The following JAM3 variants were observed in gnomAD, a reference collection of about 807,000 sequenced individuals.
JAM3 encodes junctional adhesion molecule C.
A neutral mutation model predicts 39.4 loss-of-function variants in JAM3; 31 were observed. The ratio of observed to expected loss-of-function variants is 0.79; its 90% CI spans 0.59 to 1.06. The LOEUF (loss-of-function observed/expected upper bound fraction) is 1.06, where lower values mean the gene tolerates loss of function less well. JAM3 is among the 50% of genes least tolerant of loss of function. The pLI, the probability that JAM3 is intolerant of heterozygous loss-of-function variation, is 0.00. For missense variants in JAM3, 455 were observed against 391.4 expected, an observed-to-expected ratio of 1.16 and a Z score of -1.37; for synonymous variants, 182 against 148.7, an observed-to-expected ratio of 1.22 and a Z score of -1.63.
intron 1 of JAM3, 38 bp downstream of exon 1, chr11:134,069,197 C>T (rs1382569166): frequency 1.9e-6 from 3 of 1,604,562 alleles, no homozygotes; most frequent in Non-Finnish European, 2.6e-6. Flanking sequence ...AGACTAGGGT[C>T]TGGGGGCGAC....
At chr11:134,095,427 C>T (rs547289358) in intron 1 of JAM3, among the ~76,000 whole-genome samples, 2 of 152,022 alleles carry the variant, frequency 1.3e-5, no homozygotes, top group Middle Eastern at 6.8e-3. Context: ...GTCAGGAGAT[C>T]GAGACCATCC....
intron 6 of JAM3, chr11:134,147,951 A>G (rs1364612959): frequency 1.9e-5 from 3 of 155,064 alleles, no homozygotes; most frequent in Non-Finnish European, 2.9e-5. Context: ...CCCATATGAA[A>G]GTGACCCAGT....
At chr11:134,120,348 A>C (rs1942508617) in intron 1 of JAM3, among the ~76,000 whole-genome samples, 1 of 152,260 alleles carries the variant, frequency 6.6e-6, no homozygotes, top group Admixed American at 6.5e-5. Context: ...ACAGAATGCC[A>C]GCAAGCTAAA....
At chr11:134,118,819 A>T (rs535543755) in intron 1 of JAM3, among the ~76,000 whole-genome samples, 2 of 152,314 alleles carry the variant, frequency 1.3e-5, no homozygotes, top group African/African-American at 4.8e-5. Flanking sequence ...TTATGCTTTA[A>T]AAGCCTTTCA....
intron 1 of JAM3, among the ~76,000 whole-genome samples, chr11:134,090,828 A>G (rs1280914524): frequency 6.6e-6 from 1 of 152,224 alleles, no homozygotes; most frequent in East Asian, 1.9e-4. Context: ...ACTCAGGTAT[A>G]ATTGACTTGT....
At chr11:134,082,403 T>C (rs1200635009) in intron 1 of JAM3, among the ~76,000 whole-genome samples, 6 of 152,146 alleles carry the variant, frequency 3.9e-5, no homozygotes, top group African/African-American at 7.2e-5. Context: ...TGGAATGATA[T>C]GGTTTGGCTC....
rs1943043139 is a variant in JAM3, at chr11:134,144,897, G to C, written c.515G>C (p.Ser172Thr). Residue 172 changes from serine to threonine, a missense_variant, in exon 5 of 9, where the codon AGC becomes ACC. By Grantham distance (58) the Ser-to-Thr change is moderately conservative (BLOSUM62 1). Transcript: ENST00000299106. ...ESEGHPRPHY[S>T]WYRNDVPLPT... ...GAGGGCCACCCCCGGCCTCACTACA[G>C]CTGGTATCGCAATGATGTACCACTG... 1.9e-5 allele frequency: 31 copies of C among 1,614,184 alleles called. No individual in the cohort carries two copies. Among genetic ancestry groups the C allele is most frequent in the Non-Finnish European group, 2.5e-5 (30 of 1,179,990 alleles).
chr11:134,107,443 G>A (rs1942214932), intron 1 of JAM3, among the ~76,000 whole-genome samples: 1 of 151,876 alleles, frequency 6.6e-6, no homozygotes, highest in African/African-American at 2.4e-5. Flanking sequence ...TAACAAACCT[G>A]CACGTTGTAC....
chr11:134,100,645 C>A (rs1034349690), intron 1 of JAM3, among the ~76,000 whole-genome samples: 2 of 152,106 alleles, frequency 1.3e-5, no homozygotes, highest in Non-Finnish European at 2.9e-5. Context: ...GTGGCTGATA[C>A]CATGTGAATG....
chr11:134,094,274 C>G (rs551022670), intron 1 of JAM3, among the ~76,000 whole-genome samples: 22 of 134,246 alleles, frequency 1.6e-4, no homozygotes, highest in African/African-American at 6.2e-4. Context: ...TTAAACGTCA[C>G]TTCCTGAGGG....
At chr11:134,148,955 A>AAC (rs368934602) in intron 8 of JAM3, 137 bp downstream of exon 8, 38,879 of 684,574 alleles carry the variant, frequency 0.057, 1,136 homozygotes, top group South Asian at 0.081. Context: ...CCTTCACAGT[A>AAC]ACACACACAC....
intron 1 of JAM3, among the ~76,000 whole-genome samples, chr11:134,130,276 C>A (rs1026918322): frequency 6.6e-6 from 1 of 152,190 alleles, no homozygotes; most frequent in African/African-American, 2.4e-5. Context: ...AAGACACTAA[C>A]TCAGTCTATG....
At chr11:134,131,330 G>T (rs1016864030) in intron 1 of JAM3, among the ~76,000 whole-genome samples, 1 of 152,040 alleles carries the variant, frequency 6.6e-6, no homozygotes, top group African/African-American at 2.4e-5. Context: ...TGAACACAAG[G>T]TTAAGGAACC....
intron 1 of JAM3, among the ~76,000 whole-genome samples, chr11:134,081,078 A>G (rs1249617611): frequency 6.6e-6 from 1 of 152,198 alleles, no homozygotes; most frequent in Non-Finnish European, 1.5e-5. Flanking sequence ...GAGGTGATTT[A>G]GGGTATCTAG....
In JAM3 at chr11:134,150,711, T is replaced by C. The variant is rs1396671550; in HGVS notation, c.*1530T>C. The C allele has an allele frequency of 6.6e-6, 1 of 152,072 alleles. No individual in the cohort carries two copies. The highest frequency in any genetic ancestry group is 1.5e-5 in the Non-Finnish European group (1 of 68,016). The allele number at this position is 152,072 out of a possible 1,614,324, so 9.4% of individuals were successfully genotyped here. ...GGCCAAAGGCAATTGCGAAATCAAG[T>C]CTGTCAAGTACAATAACATTTTTAA... On this transcript the variant is annotated 3_prime_UTR_variant, in exon 9 of 9. Transcript: ENST00000299106.
At chr11:134,131,744 A>T (rs922678972) in intron 1 of JAM3, among the ~76,000 whole-genome samples, 1 of 152,242 alleles carries the variant, frequency 6.6e-6, no homozygotes, top group African/African-American at 2.4e-5. Flanking sequence ...ATCAATAAAG[A>T]CATAGAAATT....
rs1591809081 is a variant in JAM3 at position 134,146,162 on chromosome 11, G to A, written c.712+117G>A. 6 of 782,084 alleles carry A rather than the reference G, an allele frequency of 7.7e-6. No individual in the cohort carries two copies. In the East Asian group the frequency reaches 1.6e-4, roughly 21 times the overall value. 48.4% of individuals were successfully genotyped at this position (782,084 alleles called of 1,614,324 possible). ...TTCCGCCATGGGTTAGCTTTCTTCT[G>A]GAGCTGCCTAGGTCCACCAGAACCC... On this transcript the variant is annotated intron_variant, in intron 6 of 8. Coordinates refer to ENST00000299106, the MANE Select transcript of JAM3 (RefSeq NM_032801.5).
chr11:134,110,965 A>T (rs1399010778), intron 1 of JAM3, among the ~76,000 whole-genome samples: 1 of 151,532 alleles, frequency 6.6e-6, no homozygotes, highest in Non-Finnish European at 1.5e-5. Flanking sequence ...CAAATCCCTG[A>T]CTCCCAAAAC....
At chr11:134,124,030 G>A (rs56807343) in intron 1 of JAM3, 2 of 1,441,820 alleles carry the variant, frequency 1.4e-6, no homozygotes, top group Admixed American at 1.7e-5. Flanking sequence ...GCAACACAAG[G>A]CACTGCAACA....
Sources: allele counts gnomAD v4.1 joint callset (sites outside exome capture counted in the v4.1 genomes callset), GRCh38; gene constraint gnomAD v4.1.1; transcripts MANE v1.5; gene names NCBI Gene and HGNC (gene_info 2026-07-23, HGNC 2026-07-21).